COPE: variants seen among roughly 807,000 people sequenced by gnomAD.
COPE encodes the protein coat protein complex I subunit epsilon.
COPE carries 19 observed loss-of-function variants against 42.1 expected under a neutral mutation model. The ratio of observed to expected loss-of-function variants is 0.45; its 90% CI spans 0.31 to 0.66. COPE has a LOEUF of 0.66. Among genes scored for constraint, COPE ranks in the 30% least tolerant of loss-of-function variants. The pLI is 0.05. For missense variants in COPE, 402 were observed against 416.1 expected (o/e 0.97, Z 0.30); for synonymous variants, 195 against 181.3 (o/e 1.08, Z -0.60).
At chr19:18,918,475 G>A (rs930593571) in intron 1 of COPE, among the ~76,000 whole-genome samples, 6 of 152,008 alleles carry the variant, frequency 3.9e-5, no homozygotes, top group African/African-American at 1.2e-4. Flanking sequence ...TTACAACTTT[G>A]TCACCCAGGC....
chr19:18,917,244 T>TC (rs2056862416), intron 1 of COPE, among the ~76,000 whole-genome samples: 1 of 147,174 alleles, frequency 6.8e-6, no homozygotes, highest in African/African-American at 2.5e-5. Context: ...TTTTTTTCTT[T>TC]TTTTTTTTTT....
chr19:18,900,352 G>A, intron 8 of COPE, 29 bp downstream of exon 8: 2 of 1,534,182 alleles, frequency 1.3e-6, no homozygotes, highest in African/African-American at 1.4e-5. Context: ...GGACATTAGG[G>A]TTGGCCTGGA....
At chr19:18,905,489 AC>A in intron 5 of COPE, 86 bp downstream of exon 5, 1 of 1,315,144 alleles carries the variant, frequency 7.6e-7, no homozygotes, top group Non-Finnish European at 1.0e-6. Flanking sequence ...TAATGACAGC[AC>A]CACAGACGCT....
At chr19:18,902,918 T>A (rs1188413011) in intron 7 of COPE, among the ~76,000 whole-genome samples, 3 of 151,276 alleles carry the variant, frequency 2.0e-5, no homozygotes, top group Admixed American at 6.6e-5. Flanking sequence ...CACAGCACAC[T>A]CTCCCCTACA....
intron 7 of COPE, among the ~76,000 whole-genome samples, chr19:18,902,313 C>T (rs540551216): frequency 4.6e-5 from 7 of 151,486 alleles, no homozygotes; most frequent in African/African-American, 1.5e-4. Context: ...GCAAGAACAA[C>T]CCCGTCTTTA....
intron 3 of COPE, chr19:18,910,683 G>A (rs1478862313): frequency 2.2e-6 from 1 of 463,642 alleles, no homozygotes; most frequent in African/African-American, 1.9e-5. Flanking sequence ...CTCGGTAATT[G>A]ATATTTTCAG....
At chr19:18,905,550 G>T in intron 5 of COPE, 26 bp downstream of exon 5, 1 of 1,580,778 alleles carries the variant, frequency 6.3e-7, no homozygotes, top group East Asian at 2.3e-5. Flanking sequence ...GGCTCAGTGC[G>T]GGTGGAGAGG....
chr19:18,915,165 G>A (rs1390681255), intron 1 of COPE, among the ~76,000 whole-genome samples: 1 of 152,162 alleles, frequency 6.6e-6, no homozygotes, highest in East Asian at 1.9e-4. Context: ...CTATGATCAT[G>A]CCACTGCACT....
At chr19:18,910,763 C>T in intron 3 of COPE, 1 of 598,666 alleles carries the variant, frequency 1.7e-6, no homozygotes, top group Admixed American at 2.8e-5. Context: ...CTGACCCTCC[C>T]CTTTGAAGCA....
chr19:18,899,745 C>CA lies in COPE; in HGVS notation c.880-20dup. On this transcript the variant is annotated intron_variant, in intron 9 of 9. Transcript: ENST00000262812. ...CGTTCTCCTTTAGCAAGACACATGG[C>CA]AACACAGGGTGGGGGCAGGGTGTGG... The CA allele has an allele frequency of 6.2e-7, 1 of 1,613,620 alleles. No individual in the cohort carries two copies. The highest frequency in any genetic ancestry group is 1.3e-5 in the African/African-American group (1 of 75,028).
chr19:18,905,864 C>T (rs931175145), intron 4 of COPE: 11 of 548,838 alleles, frequency 2.0e-5, no homozygotes, highest in African/African-American at 2.0e-4. Context: ...CCGGCCCACT[C>T]ACCGCCCATC....
rs1396416716 is a variant in COPE, at chr19:18,906,872, G to A, written c.443+88C>T. ...CACCACCTTTCTCTGCTCCCATGAC[G>A]ACAGCCAGCGAGGCCGTGCGCAGCC... On this transcript the variant is annotated intron_variant, in intron 4 of 9. Coordinates refer to ENST00000262812, the MANE Select transcript of COPE (RefSeq NM_007263.4). The A allele has an allele frequency of 5.0e-6, 7 of 1,408,918 alleles. 1 individual carries two copies. The Admixed American group carries it at 7.3e-5, about 15-fold the overall frequency. 87.3% of individuals were successfully genotyped at this position (1,408,918 alleles called of 1,614,324 possible). A position where few individuals can be genotyped will look rare whatever the true frequency, so the allele number is the denominator to read the frequency against.
Position 18,911,012 on chromosome 19 carries a change from G to A in COPE, c.249C>T (p.Ala83=), listed in dbSNP as rs369514785. Residue 83 remains alanine (A), a synonymous_variant, in exon 3 of 10, where the codon GCC becomes GCT. Transcript: ENST00000262812. ...CGAGGTAGTCAGCAAACATGCGCAC[G>A]GCCTGGAGCTCAGGGGCCGAGGAGG... ...IKPSSAPELQ[A]VRMFADYLAH... is the part of the protein sequence containing the mutation. 57 of 1,613,864 alleles carry A rather than the reference G, an allele frequency of 3.5e-5. No homozygotes were observed. Among genetic ancestry groups the A allele is most frequent in the East Asian group, 4.5e-5 (2 of 44,888 alleles).
At chr19:18,907,400 C>T (rs1375666134) in intron 3 of COPE, among the ~76,000 whole-genome samples, 1 of 152,210 alleles carries the variant, frequency 6.6e-6, no homozygotes, top group Non-Finnish European at 1.5e-5. Context: ...CACCCGCCTT[C>T]CTGAGGAGGC....
intron 3 of COPE, among the ~76,000 whole-genome samples, chr19:18,909,335 T>C (rs2056789697): frequency 6.6e-6 from 1 of 152,216 alleles, no homozygotes; most frequent in Non-Finnish European, 1.5e-5. Context: ...CTCACAGCTC[T>C]GGAGGCCGTA....
chr19:18,919,299 T>G lies in COPE; in HGVS notation c.50A>C (p.Asp17Ala). ...GPASGGSGEV[D>A]ELFDVKNAFY... is the part of the protein sequence containing the mutation. ...GGCGTTCTTTACGTCGAACAGCTCG[T>G]CTACCTCCCCGGAGCCGCCGGAGGC... is the stretch of plus-strand genomic sequence containing the variant. Residue 17 changes from aspartate (D) to alanine (A), a missense_variant, in exon 1 of 10, where the codon GAC becomes GCC. Physicochemically the swap from Asp to Ala is moderately radical, Grantham distance 126. Transcript: ENST00000262812. 1.2e-6 allele frequency: 2 copies of G among 1,613,880 alleles called. No homozygotes were observed. The highest frequency in any genetic ancestry group is 1.7e-6 in the Non-Finnish European group (2 of 1,179,992).
intron 2 of COPE, chr19:18,911,330 C>A: frequency 4.0e-6 from 2 of 496,024 alleles, no homozygotes; most frequent in South Asian, 2.3e-5. Flanking sequence ...TGTCTATCCC[C>A]TGGCAGCTGT....
At chr19:18,911,448 C>T in intron 2 of COPE, 1 of 230,640 alleles carries the variant, frequency 4.3e-6, no homozygotes, top group South Asian at 6.9e-5. Context: ...CCCAGCCAGC[C>T]CTGCCCACCT....
intron 4 of COPE, 59 bp downstream of exon 4, chr19:18,906,898 TGGA>T: frequency 6.7e-7 from 1 of 1,501,220 alleles, no homozygotes; most frequent in Non-Finnish European, 8.9e-7. Context: ...GTGCGCAGCC[TGGA>T]GATGTGGCAG....
Sources: allele counts gnomAD v4.1 joint callset (sites outside exome capture counted in the v4.1 genomes callset), GRCh38; gene constraint gnomAD v4.1.1; transcripts MANE v1.5; gene names NCBI Gene and HGNC (gene_info 2026-07-23, HGNC 2026-07-21).